Variants in GCM2 observed in about 807,000 individuals in gnomAD.
GCM2 encodes chorion-specific transcription factor GCMb.
In GCM2, 21 loss-of-function variants were observed where a neutral mutation model predicts 24.8. The ratio of observed to expected loss-of-function variants is 0.85; its 90% CI spans 0.60 to 1.22. The LOEUF (loss-of-function observed/expected upper bound fraction) is 1.22, where lower values mean the gene tolerates loss of function less well. Ranked by LOEUF, GCM2 falls within the 50% of genes most tolerant of loss-of-function variation. GCM2 has a pLI of 0.00. For missense variants in GCM2, 532 were observed against 645.6 expected (o/e 0.82, Z 1.91); for synonymous variants, 222 against 238.0 (o/e 0.93, Z 0.62).
Position 10,874,036 on chromosome 6 carries a change from T to G in GCM2, c.1480A>C (p.Arg494=). 2 of 1,614,228 alleles carry G rather than the reference T, an allele frequency of 1.2e-6. No homozygotes were observed. Among genetic ancestry groups the G allele is most frequent in the Non-Finnish European group, 1.7e-6 (2 of 1,180,036 alleles). ...GLGSAVSYSD[R]VGPFFTYNNE... is the part of the protein sequence containing the mutation. ...TTGTAGGTAAAGAAGGGACCCACTC[T>G]GTCTGAGTAACTGACTGCGGAGCCC... Residue 494 remains arginine (R), a synonymous_variant, in exon 5 of 5, where the codon AGA becomes CGA. Transcript: ENST00000379491.
Position 10,875,895 on chromosome 6 carries a change from GATTCTCGA to G in GCM2, c.570_577del (p.Glu192GlyfsTer24). ...GCACTATCAGCTCCCTGTTACCTCG[GATTCTCGA>G]ATTCTCTTTTTCTGGGGTTGGTAGA... On this transcript the variant is annotated frameshift_variant, in exon 4 of 5. Transcript: ENST00000379491. LOFTEE classifies it low-confidence loss of function (END_TRUNC). 1 of 1,613,992 alleles carries G rather than the reference GATTCTCGA, an allele frequency of 6.2e-7. No homozygotes were observed. The highest frequency in any genetic ancestry group is 8.5e-7 in the Non-Finnish European group (1 of 1,179,950).
intron 4 of GCM2, 143 bp from the exon 5 acceptor site, chr6:10,875,076 A>C (rs779975320): frequency 4.3e-6 from 3 of 705,418 alleles, no homozygotes; most frequent in Non-Finnish European, 7.6e-6. Context: ...CAGGTACGTG[A>C]TGTAAGCACG....
At chr6:10,880,626 CCCACTTCATTCA>C (rs1343431445) in intron 1 of GCM2, among the ~76,000 whole-genome samples, 1 of 152,174 alleles carries the variant, frequency 6.6e-6, no homozygotes, top group African/African-American at 2.4e-5. Context: ...CTTCAAACCA[CCCACTTCATTCA>C]CCACTTCATC....
Position 10,882,018 on chromosome 6 carries a change from G to A in GCM2, c.-225C>T. On this transcript the variant is annotated 5_prime_UTR_variant, in exon 1 of 5. It adds an upstream start codon to the 5' untranslated region. Transcript: ENST00000379491. ...CTTGTCCTTGGCCGCGGTGCTGAAC[G>A]TTCTCCACCCGAACGGCAGCATCGA... 1 of 560,684 alleles carries A rather than the reference G, an allele frequency of 1.8e-6. No individual in the cohort carries two copies. The highest frequency in any genetic ancestry group is 2.0e-5 in the South Asian group (1 of 49,414). The allele number at this position is 560,684 out of a possible 1,614,324, so 34.7% of individuals were successfully genotyped here.
At chr6:10,880,287 A>AACAG (rs1309071798) in intron 1 of GCM2, among the ~76,000 whole-genome samples, 3 of 78,060 alleles carry the variant, frequency 3.8e-5, no homozygotes, top group Non-Finnish European at 7.4e-5. Flanking sequence ...AAAAAACCCC[A>AACAG]ACAAACAAAC....
Position 10,877,189 on chromosome 6 carries a change from G to A in GCM2, c.294C>T (p.Arg98=). 6.2e-7 allele frequency: 1 copy of A among 1,613,936 alleles called. No individual in the cohort carries two copies. Among genetic ancestry groups the A allele is most frequent in the Non-Finnish European group, 8.5e-7 (1 of 1,180,048 alleles). The change falls in exon 2 of 5, where the codon CGC becomes CGT. Residue 98 remains arginine (R), a synonymous_variant. Transcript: ENST00000379491. ...CGCAGATGGCCGGCCTCAGCTGCAGGCGGGAACCGTCGGGCAGGGTGCAGG... is the reference window on the plus strand; with the variant it reads ...CGCAGATGGCCGGCCTCAGCTGCAGACGGGAACCGTCGGGCAGGGTGCAGG... The part of the protein sequence containing the change: ...TQACTLPDGS[R]LQLRPAICDK...
Position 10,881,812 on chromosome 6 carries a change from CT to C in GCM2, c.-20del. 6.2e-7 allele frequency: 1 copy of C among 1,600,810 alleles called. No individual in the cohort carries two copies. Reference sequence around the variant, plus strand: ...CCGGCATCTGCCCAACTCGCTCGCGCTTTCCGCCCAGGGTTCTGAAAAATAG... The same window carrying C: ...CCGGCATCTGCCCAACTCGCTCGCGCTTCCGCCCAGGGTTCTGAAAAATAG... On this transcript the variant is annotated 5_prime_UTR_variant, in exon 1 of 5. Transcript: ENST00000379491.
intron 1 of GCM2, among the ~76,000 whole-genome samples, chr6:10,878,755 T>C (rs1054882103): frequency 1.3e-5 from 2 of 152,220 alleles, no homozygotes; most frequent in African/African-American, 4.8e-5. Flanking sequence ...CTTTGCAAGA[T>C]GGACATCTTT....
Position 10,876,019 on chromosome 6 carries a change from G to A in GCM2, c.457-3C>T. 1 of 1,613,944 alleles carries A rather than the reference G, an allele frequency of 6.2e-7. No homozygotes were observed. The highest frequency in any genetic ancestry group is 8.5e-7 in the Non-Finnish European group (1 of 1,179,898). On this transcript the variant is annotated splice_polypyrimidine_tract_variant and splice_region_variant and intron_variant, in intron 3 of 4. Transcript: ENST00000379491. ...GGATGATCATGAACTCCCTTGGCCT[G>A]CGATAACGAGAAAATGAATCATACA...
chr6:10,876,614 G>A (rs1779883528), intron 2 of GCM2, 57 bp from the exon 3 acceptor site: 1 of 1,201,352 alleles, frequency 8.3e-7, no homozygotes, highest in Non-Finnish European at 1.2e-6. Context: ...TCTGAAGGAA[G>A]AAGGGGAAAA....
chr6:10,880,029 G>A (rs1779936741), intron 1 of GCM2, among the ~76,000 whole-genome samples: 1 of 152,202 alleles, frequency 6.6e-6, no homozygotes, highest in Non-Finnish European at 1.5e-5. Flanking sequence ...GCTAAGGCGG[G>A]TGGATCAGCT....
chr6:10,879,357 C>T (rs1284365408), intron 1 of GCM2, among the ~76,000 whole-genome samples: 7 of 152,202 alleles, frequency 4.6e-5, no homozygotes, highest in African/African-American at 1.4e-4. Flanking sequence ...ACACGAGCTA[C>T]TGAGGTAGTG....
intron 4 of GCM2, among the ~76,000 whole-genome samples, chr6:10,875,624 C>T (rs1035728992): frequency 4.6e-5 from 7 of 152,150 alleles, no homozygotes; most frequent in Non-Finnish European, 8.8e-5. Context: ...GTTGCATAAT[C>T]GCCCTTATAT....
intron 1 of GCM2, among the ~76,000 whole-genome samples, chr6:10,881,162 C>T (rs1021366945): frequency 6.6e-6 from 1 of 151,782 alleles, no homozygotes; most frequent in African/African-American, 2.4e-5. Context: ...TCTTCTTCTT[C>T]TTCTTCTTTT....
chr6:10,877,022 C>A, intron 2 of GCM2, 118 bp downstream of exon 2: 1 of 1,319,104 alleles, frequency 7.6e-7, no homozygotes, highest in Non-Finnish European at 1.1e-6. Flanking sequence ...GAGATTGCAC[C>A]ATTGCAGTCC....
At chr6:10,880,284 C>T (rs1779940456) in intron 1 of GCM2, among the ~76,000 whole-genome samples, 1 of 129,182 alleles carries the variant, frequency 7.7e-6, no homozygotes, top group South Asian at 2.2e-4. Context: ...AACAAAAAAC[C>T]CCAACAAACA....
chr6:10,874,003 C>T lies in GCM2; in HGVS notation c.1513G>A (p.Asp505Asn), dbSNP rs1779839014. ...GTCCCCTGGATTGTCTTTCAAAAAT[C>T]CTCATTGTTGTAGGTAAAGAAGGGA... The part of the protein sequence containing the change: ...VGPFFTYNNE[D>N]F Residue 505 changes from aspartate (D) to asparagine (N), a missense_variant, in exon 5 of 5, where the codon GAT becomes AAT. Around this residue, in one of 3 missense-constraint regions of GCM2, gnomAD observed 434 missense variants for 521.9 expected, o/e 0.83. Transcript: ENST00000379491. 1.2e-6 allele frequency: 2 copies of T among 1,613,344 alleles called. No individual in the cohort carries two copies. The highest frequency in any genetic ancestry group is 1.7e-6 in the Non-Finnish European group (2 of 1,179,434).
In GCM2 at chr6:10,877,478, G is replaced by A. The variant is rs979245503; in HGVS notation, c.91-86C>T. 3 of 1,402,380 alleles carry A rather than the reference G, an allele frequency of 2.1e-6. No homozygotes were observed. The African/African-American group carries it at 4.2e-5, about 20-fold the overall frequency. The allele number at this position is 1,402,380 out of a possible 1,614,324, so 86.9% of individuals were successfully genotyped here. ...TCTAAAATTTCTCTGAGCACATTAGGATACAAACCAGTTCTTTTTAAATCC... is the reference window on the plus strand; with the variant it reads ...TCTAAAATTTCTCTGAGCACATTAGAATACAAACCAGTTCTTTTTAAATCC... On this transcript the variant is annotated intron_variant, in intron 1 of 4. Coordinates refer to ENST00000379491, the MANE Select transcript of GCM2 (RefSeq NM_004752.4).
intron 4 of GCM2, 52 bp from the exon 5 acceptor site, chr6:10,874,985 C>T (rs1030267805): frequency 8.0e-7 from 1 of 1,248,268 alleles, no homozygotes; most frequent in Non-Finnish European, 1.2e-6. Context: ...GTGTGGACAC[C>T]CTCACCTGTA....
Sources: allele counts gnomAD v4.1 joint callset (sites outside exome capture counted in the v4.1 genomes callset), GRCh38; gene constraint gnomAD v4.1.1; regional missense constraint gnomAD v4.1.1; transcripts MANE v1.5; gene names NCBI Gene and HGNC (gene_info 2026-07-23, HGNC 2026-07-21).